TMEM39B: variants seen among roughly 807,000 people sequenced by gnomAD.
The protein encoded by TMEM39B is transmembrane protein 39B.
A neutral mutation model predicts 52.2 loss-of-function variants in TMEM39B; 23 were observed. The observed-to-expected ratio is 0.44, with a 90% CI of 0.32 to 0.62. The LOEUF (loss-of-function observed/expected upper bound fraction) is 0.62, where lower values mean the gene tolerates loss of function less well. TMEM39B is among the 20% of genes least tolerant of loss of function. The pLI is 0.06. For missense variants in TMEM39B, 547 were observed against 642.0 expected, an observed-to-expected ratio of 0.85 and a Z score of 1.60; for synonymous variants, 285 against 264.0, an observed-to-expected ratio of 1.08 and a Z score of -0.77.
chr1:32,073,145 C>A, intron 1 of TMEM39B, 94 bp downstream of exon 1: 1 of 1,353,052 alleles, frequency 7.4e-7, no homozygotes, highest in South Asian at 1.7e-5. Context: ...GGACAGGAGC[C>A]CGGTGACGGG....
chr1:32,084,959 C>A (rs1220953131), intron 5 of TMEM39B, among the ~76,000 whole-genome samples: 1 of 152,154 alleles, frequency 6.6e-6, no homozygotes, highest in Admixed American at 6.6e-5. Flanking sequence ...AGTGAGAAGT[C>A]TGGTGCCAGT....
intron 7 of TMEM39B, among the ~76,000 whole-genome samples, chr1:32,097,624 C>A (rs148471543): frequency 5.3e-5 from 8 of 151,930 alleles, no homozygotes; most frequent in African/African-American, 1.9e-4. Context: ...TGAGCTGTTG[C>A]ACCCGGCCCC....
intron 5 of TMEM39B, among the ~76,000 whole-genome samples, chr1:32,082,390 G>A (rs1640136378): frequency 6.6e-6 from 1 of 152,082 alleles, no homozygotes; most frequent in Non-Finnish European, 1.5e-5. Context: ...CCAGTAGTAT[G>A]CATACATGAC....
chr1:32,089,407 C>T (rs980857141), intron 5 of TMEM39B, among the ~76,000 whole-genome samples: 49 of 152,134 alleles, frequency 3.2e-4, no homozygotes, highest in Non-Finnish European at 7.4e-5. Context: ...GCTGGGATTA[C>T]AGGTTTGAAC....
intron 8 of TMEM39B, 64 bp downstream of exon 8, chr1:32,100,626 G>A (rs1441546936): frequency 6.2e-7 from 1 of 1,602,994 alleles, no homozygotes; most frequent in African/African-American, 1.3e-5. Context: ...TGCAGGGCAG[G>A]AATGTGATGT....
chr1:32,091,622 T>C lies in TMEM39B; in HGVS notation c.591-53T>C, dbSNP rs1481084174. 5 of 1,533,342 alleles carry C rather than the reference T, an allele frequency of 3.3e-6. No individual in the cohort carries two copies. In the East Asian group the frequency reaches 9.1e-5, roughly 28 times the overall value. 95.0% of individuals were successfully genotyped at this position (1,533,342 alleles called of 1,614,324 possible). On this transcript the variant is annotated intron_variant, in intron 5 of 8. Coordinates refer to ENST00000336294, the MANE Select transcript of TMEM39B (RefSeq NM_018056.4). Reference sequence around the variant, plus strand: ...AGAAGATCCCCTCAGTGGCTGAGAGTTGGGATCCTGGCCCATGGGCAGGCC... The same window carrying C: ...AGAAGATCCCCTCAGTGGCTGAGAGCTGGGATCCTGGCCCATGGGCAGGCC...
chr1:32,075,872 G>A, intron 3 of TMEM39B, 50 bp downstream of exon 3: 1 of 1,214,012 alleles, frequency 8.2e-7, no homozygotes, highest in Admixed American at 2.4e-5. Context: ...GTGCGTGTGT[G>A]TGTATGTGTG....
chr1:32,073,116 G>A, intron 1 of TMEM39B, 65 bp downstream of exon 1: 1 of 1,381,790 alleles, frequency 7.2e-7, no homozygotes, highest in Non-Finnish European at 9.4e-7. Context: ...TGGCCAGGCT[G>A]CTAATTGCTG....
chr1:32,102,413 C>A lies in TMEM39B; in HGVS notation c.1237-18C>A. The stretch of plus-strand genomic sequence containing the variant: ...TCTGGAGCACACCTTTTAGCCATGC[C>A]CACCCGCTTCCGGGCAGTTCTTTTT... On this transcript the variant is annotated intron_variant, in intron 8 of 8. Coordinates refer to ENST00000336294, the MANE Select transcript of TMEM39B (RefSeq NM_018056.4). 1 of 1,609,512 alleles carries A rather than the reference C, an allele frequency of 6.2e-7. No homozygotes were observed. Among genetic ancestry groups the A allele is most frequent in the Non-Finnish European group, 8.5e-7 (1 of 1,177,240 alleles).
chr1:32,098,976 C>CG (rs1357399519), intron 7 of TMEM39B, among the ~76,000 whole-genome samples: 1 of 152,008 alleles, frequency 6.6e-6, no homozygotes, highest in Non-Finnish European at 1.5e-5. Context: ...ATGGGCCAGG[C>CG]ACGGTGGCTC....
chr1:32,081,764 T>C (rs999965835), intron 5 of TMEM39B, among the ~76,000 whole-genome samples: 3 of 152,038 alleles, frequency 2.0e-5, no homozygotes, highest in Non-Finnish European at 2.9e-5. Context: ...AAGAAAATTA[T>C]TGATTTATTT....
Position 32,076,807 on chromosome 1 carries a change from C to G in TMEM39B, c.396C>G (p.Ile132Met), listed in dbSNP as rs767866905. 6.2e-7 allele frequency: 1 copy of G among 1,613,994 alleles called. No homozygotes were observed. Among genetic ancestry groups the G allele is most frequent in the East Asian group, 2.2e-5 (1 of 44,888 alleles). The change falls in exon 4 of 9, where the codon ATC becomes ATG. Residue 132 changes from isoleucine (I) to methionine (M), a missense_variant. Transcript: ENST00000336294. ...IDFNLLMVTT[I>M]VLGRRFIGSI... ...TCAACTTGCTGATGGTGACCACCATCGTTCTGGGCCGCCGCTTCATTGGGT... is the reference window on the plus strand; with the variant it reads ...TCAACTTGCTGATGGTGACCACCATGGTTCTGGGCCGCCGCTTCATTGGGT...
rs771345126 is a variant in TMEM39B at position 32,102,485 on chromosome 1, G to A, written c.1291G>A (p.Ala431Thr). 7 of 1,613,966 alleles carry A rather than the reference G, an allele frequency of 4.3e-6. No homozygotes were observed. In the East Asian group the frequency reaches 6.7e-5, roughly 15 times the overall value. ...CAACATCCTCCTGCTGCTGGAGGGC[G>A]CTGTCATTGTCTATCAGCTGTACTC... ...ILNILLLLEG[A>T]VIVYQLYSLM... The change falls in exon 9 of 9, where the codon GCT becomes ACT. Residue 431 changes from alanine to threonine, a missense_variant. Transcript: ENST00000336294.
At chr1:32,084,320 G>A (rs1426335015) in intron 5 of TMEM39B, among the ~76,000 whole-genome samples, 1 of 152,062 alleles carries the variant, frequency 6.6e-6, no homozygotes, top group Non-Finnish European at 1.5e-5. Context: ...GCAGTCTGGA[G>A]TGTTTGCTCT....
At chr1:32,075,552 C>G (rs1639818332) in intron 2 of TMEM39B, 51 bp from the exon 3 acceptor site, 1 of 1,517,896 alleles carries the variant, frequency 6.6e-7, no homozygotes, top group African/African-American at 1.4e-5. Context: ...GAAGCCCTTC[C>G]TGGTAGGATT....
In TMEM39B at chr1:32,102,526, A is replaced by G; in HGVS notation, c.1332A>G (p.Glu444=). 1 of 1,614,136 alleles carries G rather than the reference A, an allele frequency of 6.2e-7. No homozygotes were observed. ...AGCTGTACTCCCTAATGTCCTCTGA[A>G]AAGTGGCACCAGACCATCTCGCTGG... ...VYQLYSLMSS[E]KWHQTISLAL... is the part of the protein sequence containing the mutation. Residue 444 remains glutamate, a synonymous_variant, in exon 9 of 9, where the codon GAA becomes GAG. Coordinates refer to ENST00000336294, the MANE Select transcript of TMEM39B (RefSeq NM_018056.4).
upstream of TMEM39B, chr1:32,072,896 C>T (rs895006516): frequency 9.5e-7 from 1 of 1,058,160 alleles, no homozygotes; most frequent in Non-Finnish European, 1.3e-6. Flanking sequence ...GCTTCCAGCC[C>T]GCCTTGTATG....
chr1:32,076,053 G>T, intron 3 of TMEM39B: 1 of 312,588 alleles, frequency 3.2e-6, no homozygotes, highest in Non-Finnish European at 5.9e-6. Flanking sequence ...AGATGAATCT[G>T]ACAAAGATTT....
chr1:32,076,541 A>C (rs1291833550), intron 3 of TMEM39B: 14 of 682,666 alleles, frequency 2.1e-5, no homozygotes, highest in South Asian at 2.0e-4. Flanking sequence ...AAGAGGGCTC[A>C]CATACCACTC....
Sources: gnomAD v4.1 joint callset for allele counts (sites outside exome capture counted in the v4.1 genomes callset) on GRCh38, gnomAD v4.1.1 for gene constraint, MANE v1.5 for transcripts, NCBI Gene and HGNC (gene_info 2026-07-23, HGNC 2026-07-21) for gene names.